The following PIK3AP1 variants were observed in gnomAD, a reference collection of about 807,000 sequenced individuals.
PIK3AP1 encodes the protein phosphoinositide 3-kinase adapter protein 1.
PIK3AP1 carries 21 observed loss-of-function variants against 88.1 expected under a neutral mutation model. That is an observed-to-expected ratio of 0.24 (90% CI 0.17 to 0.34). The LOEUF is 0.34. PIK3AP1 is among the 10% of genes least tolerant of loss of function. The pLI is 1.00. For synonymous variants in PIK3AP1, 398 were observed against 400.0 expected, an observed-to-expected ratio of 1.00 and a Z score of 0.06; for missense variants, 828 against 1,035.7, an observed-to-expected ratio of 0.80 and a Z score of 2.75.
chr10:96,634,153 G>A (rs1045714859), intron 8 of PIK3AP1, among the ~76,000 whole-genome samples: 8 of 152,198 alleles, frequency 5.3e-5, no homozygotes, highest in Admixed American at 6.5e-5. Flanking sequence ...GCACCACTCC[G>A]TGCCACCAGG....
chr10:96,713,503 TAAA>T (rs566830672), intron 1 of PIK3AP1, among the ~76,000 whole-genome samples: 2 of 84,926 alleles, frequency 2.4e-5, no homozygotes, highest in Admixed American at 1.3e-4. Context: ...GACTCCGTCT[TAAA>T]AAAAAAAAAA....
chr10:96,707,331 C>T (rs1417923016), intron 2 of PIK3AP1, among the ~76,000 whole-genome samples: 4 of 152,304 alleles, frequency 2.6e-5, no homozygotes, highest in South Asian at 2.1e-4. Flanking sequence ...CTTGCTCTGT[C>T]GCCCAGGCTG....
chr10:96,640,800 G>A (rs1335924117), intron 8 of PIK3AP1, among the ~76,000 whole-genome samples: 1 of 151,838 alleles, frequency 6.6e-6, no homozygotes, highest in South Asian at 2.1e-4. Context: ...TGGGACCACA[G>A]GCATGTGCCA....
Position 96,710,016 on chromosome 10 carries a change from C to T in PIK3AP1, c.14-33G>A, listed in dbSNP as rs764726688. The T allele has an allele frequency of 5.2e-6, 8 of 1,540,676 alleles. No individual in the cohort carries two copies. The South Asian group carries it at 9.8e-5, about 19-fold the overall frequency. On this transcript the variant is annotated intron_variant, in intron 1 of 16. Coordinates refer to ENST00000339364, the MANE Select transcript of PIK3AP1 (RefSeq NM_152309.3). ...AGAATGAGGCACAGAAGCATGTTAG[C>T]ACACCTCCCCTTCTAGGTGGCTCCC...
At chr10:96,631,106 G>A (rs964049727) in intron 8 of PIK3AP1, among the ~76,000 whole-genome samples, 6 of 152,174 alleles carry the variant, frequency 3.9e-5, no homozygotes, top group African/African-American at 9.7e-5. Context: ...CCCTAAAGAT[G>A]AGGGGAGGGA....
Position 96,677,578 on chromosome 10 carries a change from TACACACACAC to T in PIK3AP1, c.431-20654_431-20645del, listed in dbSNP as rs35018772. On this transcript the variant is annotated intron_variant, in intron 2 of 16. Coordinates refer to ENST00000339364, the MANE Select transcript of PIK3AP1 (RefSeq NM_152309.3). ...GCTAACTACCTCCTCACTAAGCACA[TACACACACAC>T]ACACACACACACACACACACACACA... Among the ~76,000 whole-genome samples the T allele has an allele frequency of 3.3e-3, 397 of 121,182 alleles. 1 individual carries two copies. Among genetic ancestry groups the T allele is most frequent in the African/African-American group, 9.6e-3 (330 of 34,292 alleles). The allele number at this position is 121,182 out of a possible 152,430, so 79.5% of individuals were successfully genotyped here.
chr10:96,604,374 TTTTTG>T (rs1848965029), intron 14 of PIK3AP1, among the ~76,000 whole-genome samples: 1 of 56,518 alleles, frequency 1.8e-5, no homozygotes, highest in African/African-American at 5.6e-5. Flanking sequence ...TTTTTTTTTT[TTTTTG>T]TAGCAACAGG....
At chr10:96,670,803 T>C (rs1843834951) in intron 2 of PIK3AP1, among the ~76,000 whole-genome samples, 1 of 152,218 alleles carries the variant, frequency 6.6e-6, no homozygotes. Context: ...TCAGGCAGAA[T>C]GTATCAGCTC....
At position 96,593,802 on chromosome 10, in the gene PIK3AP1, C is replaced by T. The variant is rs907900267; in HGVS notation, c.*1775G>A. 4.6e-5 allele frequency: 7 copies of T among 152,080 alleles called. No individual in the cohort carries two copies. The highest frequency in any genetic ancestry group is 1.4e-4 in the African/African-American group (6 of 41,414). 9.4% of individuals were successfully genotyped at this position (152,080 alleles called of 1,614,324 possible). A position where few individuals can be genotyped will look rare whatever the true frequency, so the allele number is the denominator to read the frequency against. ...GCCAATAGTGTATTTTGTCAAAAAA[C>T]AAAAACAAAACCCAAGATTCCAGAA... On this transcript the variant is annotated 3_prime_UTR_variant, in exon 17 of 17. Coordinates refer to ENST00000339364, the MANE Select transcript of PIK3AP1 (RefSeq NM_152309.3).
chr10:96,712,374 C>T (rs1002256795), intron 1 of PIK3AP1, among the ~76,000 whole-genome samples: 1 of 152,134 alleles, frequency 6.6e-6, no homozygotes, highest in African/African-American at 2.4e-5. Context: ...CATAATGGTC[C>T]TTTTCAGGAA....
intron 2 of PIK3AP1, among the ~76,000 whole-genome samples, chr10:96,685,077 G>A (rs1844051479): frequency 6.6e-6 from 1 of 152,006 alleles, no homozygotes; most frequent in South Asian, 2.1e-4. Context: ...AGAATGTTTT[G>A]GTTATCTTCT....
At chr10:96,710,104 GC>G in intron 1 of PIK3AP1, 121 bp from the exon 2 acceptor site, 20 of 943,624 alleles carry the variant, frequency 2.1e-5, no homozygotes, top group Non-Finnish European at 3.1e-5. Context: ...TTCGTGGTGT[GC>G]CTCCAGCACA....
intron 13 of PIK3AP1, among the ~76,000 whole-genome samples, chr10:96,611,873 A>G (rs1358037220): frequency 6.6e-6 from 1 of 152,186 alleles, no homozygotes; most frequent in Non-Finnish European, 1.5e-5. Context: ...AATACACAGG[A>G]AAAAATAGGG....
At chr10:96,668,717 T>C (rs958242853) in intron 2 of PIK3AP1, among the ~76,000 whole-genome samples, 1 of 152,192 alleles carries the variant, frequency 6.6e-6, no homozygotes, top group African/African-American at 2.4e-5. Context: ...AAAAAAAGAC[T>C]GAAGAAGATT....
intron 6 of PIK3AP1, 40 bp from the exon 7 acceptor site, chr10:96,648,895 T>G (rs1324055455): frequency 6.7e-7 from 1 of 1,495,672 alleles, no homozygotes; most frequent in Non-Finnish European, 8.9e-7. Context: ...CAGATAAAAA[T>G]AAAGGCACAG....
At position 96,629,711 on chromosome 10, in the gene PIK3AP1, C is replaced by CTA. The variant is rs1843211518; in HGVS notation, c.1376-1220_1376-1219dup. On this transcript the variant is annotated intron_variant, in intron 8 of 16. Transcript: ENST00000339364. ...TACGCAACACAGTGAGACCCCATCT[C>CTA]TACAAAAAAAAAAAAAAAAAAAGAC... 5.2e-4 allele frequency among the ~76,000 whole-genome samples: 4 copies of CTA among 7,686 alleles called. No homozygotes were observed. The South Asian group carries it at 0.024, about 45-fold the overall frequency. The allele number at this position is 7,686 out of a possible 152,430, so 5.0% of individuals were successfully genotyped here.
intron 16 of PIK3AP1, among the ~76,000 whole-genome samples, chr10:96,598,120 T>G (rs1348267950): frequency 1.3e-5 from 2 of 148,200 alleles, no homozygotes; most frequent in Non-Finnish European, 3.0e-5. Flanking sequence ...CACAGCTTAC[T>G]ACAGCCTCAA....
rs1848732448 is a variant in PIK3AP1 at position 96,595,090 on chromosome 10, A to G, written c.*487T>C. The stretch of plus-strand genomic sequence containing the variant: ...GTGTGACCAGCCCTAGCACTTAAAT[A>G]CCCTGCTGAATATACAGAAAAGTAG... On this transcript the variant is annotated 3_prime_UTR_variant, in exon 17 of 17. Transcript: ENST00000339364. 1 of 158,790 alleles carries G rather than the reference A, an allele frequency of 6.3e-6. No homozygotes were observed. The highest frequency in any genetic ancestry group is 1.4e-5 in the Non-Finnish European group (1 of 71,956). The allele number at this position is 158,790 out of a possible 1,614,324, so 9.8% of individuals were successfully genotyped here.
Position 96,603,671 on chromosome 10 carries a change from TACACACACACACACAC to T in PIK3AP1, c.2241+292_2241+307del, listed in dbSNP as rs10528215. 1.1e-3 allele frequency: 186 copies of T among 163,088 alleles called. 1 individual carries two copies. Among genetic ancestry groups the T allele is most frequent in the Non-Finnish European group, 1.9e-3 (148 of 77,344 alleles). The allele number at this position is 163,088 out of a possible 1,614,324, so 10.1% of individuals were successfully genotyped here. A position where few individuals can be genotyped will look rare whatever the true frequency, so the allele number is the denominator to read the frequency against. ...GATTGTGTGAGTTAATACTACTTAA[TACACACACACACACAC>T]ACACACACACACACACACACACACC... On this transcript the variant is annotated intron_variant, in intron 15 of 16. Transcript: ENST00000339364.
Sources: gnomAD v4.1 joint callset for allele counts (sites outside exome capture counted in the v4.1 genomes callset) on GRCh38, gnomAD v4.1.1 for gene constraint, MANE v1.5 for transcripts, NCBI Gene and HGNC (gene_info 2026-07-23, HGNC 2026-07-21) for gene names.